The following FRMD3 variants were observed in gnomAD, a reference collection of about 807,000 sequenced individuals.
FRMD3 encodes the protein FERM domain containing 3.
FRMD3 carries 33 observed loss-of-function variants against 70.2 expected under a neutral mutation model. That is an observed-to-expected ratio of 0.47 (90% CI 0.36 to 0.63). FRMD3 has a LOEUF of 0.63. Ranked by LOEUF, FRMD3 falls within the 20% of genes least tolerant of loss-of-function variation. The probability of loss-of-function intolerance (pLI) is 0.00; values close to 1 mark genes in which losing one functional copy is unlikely to be tolerated. For missense variants in FRMD3, 632 were observed against 711.4 expected, an observed-to-expected ratio of 0.89 and a Z score of 1.27; for synonymous variants, 279 against 255.9, an observed-to-expected ratio of 1.09 and a Z score of -0.86.
intron 13 of FRMD3, among the ~76,000 whole-genome samples, chr9:83,251,173 T>A (rs1371414919): frequency 1.3e-5 from 2 of 152,202 alleles, no homozygotes; most frequent in Non-Finnish European, 2.9e-5. Context: ...GGCTGCCATC[T>A]TTGCTGTTTC....
chr9:83,585,268 T>C, the FRMD3 span, among the ~76,000 whole-genome samples: 16 of 152,316 alleles, frequency 1.1e-4, no homozygotes, highest in Admixed American at 2.0e-4. Context: ...AGGTGCTTCC[T>C]GCAGCAAAGC....
chr9:83,438,167 A>G (rs1039396381), intron 1 of FRMD3, among the ~76,000 whole-genome samples: 1 of 152,246 alleles, frequency 6.6e-6, no homozygotes, highest in African/African-American at 2.4e-5. Context: ...CAAAAAAAGA[A>G]AAGAAAATGT....
intron 1 of FRMD3, among the ~76,000 whole-genome samples, chr9:83,442,773 T>C (rs547455167): frequency 1.3e-5 from 2 of 152,130 alleles, no homozygotes; most frequent in South Asian, 4.2e-4. Flanking sequence ...ACATACATCC[T>C]GTGTGAGTTA....
intron 1 of FRMD3, among the ~76,000 whole-genome samples, chr9:83,399,108 TC>T (rs896174629): frequency 1.3e-5 from 2 of 151,994 alleles, no homozygotes; most frequent in African/African-American, 4.8e-5. Flanking sequence ...GTCAAAAGGG[TC>T]CTAAGGAAGA....
chr9:83,375,853 T>C (rs11792767), intron 2 of FRMD3, among the ~76,000 whole-genome samples: 3,375 of 152,164 alleles, frequency 0.022, 59 homozygotes, highest in Middle Eastern at 0.031. Flanking sequence ...CCTGCACATG[T>C]ACCCCTAACT....
intron 1 of FRMD3, among the ~76,000 whole-genome samples, chr9:83,478,622 A>G (rs931783039): frequency 6.6e-6 from 1 of 152,176 alleles, no homozygotes; most frequent in African/African-American, 2.4e-5. Flanking sequence ...CAGAATTACC[A>G]TAGGATCCAG....
chr9:83,321,675 T>C (rs544102905), intron 6 of FRMD3, among the ~76,000 whole-genome samples: 16 of 152,344 alleles, frequency 1.1e-4, no homozygotes, highest in African/African-American at 3.4e-4. Context: ...TAGAACATTC[T>C]GTAAATGTCT....
chr9:83,473,102 C>T (rs35455216), intron 1 of FRMD3, among the ~76,000 whole-genome samples: 61 of 152,210 alleles, frequency 4.0e-4, no homozygotes, highest in Non-Finnish European at 7.9e-4. Context: ...TCCTCAAAGA[C>T]TTAGATGTTC....
At chr9:83,476,370 C>T (rs913033271) in intron 1 of FRMD3, among the ~76,000 whole-genome samples, 1 of 120,742 alleles carries the variant, frequency 8.3e-6, no homozygotes, top group African/African-American at 3.4e-5. Context: ...GGAGACAGAG[C>T]AAGACTCTCT....
intron 13 of FRMD3, among the ~76,000 whole-genome samples, chr9:83,278,125 TAAAGA>T (rs1833853676): frequency 6.6e-6 from 1 of 152,070 alleles, no homozygotes; most frequent in Non-Finnish European, 1.5e-5. Flanking sequence ...AGCTAAAACT[TAAAGA>T]AAAGAAACAG....
intron 1 of FRMD3, among the ~76,000 whole-genome samples, chr9:83,454,678 G>A (rs183462477): frequency 1.7e-4 from 26 of 152,244 alleles, no homozygotes; most frequent in Admixed American, 7.2e-4. Context: ...ACATCATCAG[G>A]TATGTCCCCT....
At chr9:83,460,884 A>G (rs1334145628) in intron 1 of FRMD3, among the ~76,000 whole-genome samples, 1 of 151,978 alleles carries the variant, frequency 6.6e-6, no homozygotes, top group Non-Finnish European at 1.5e-5. Flanking sequence ...AGATCACACC[A>G]TCATCTTAGA....
intron 1 of FRMD3, among the ~76,000 whole-genome samples, chr9:83,506,921 T>C (rs1004186003): frequency 6.6e-6 from 1 of 152,232 alleles, no homozygotes; most frequent in Non-Finnish European, 1.5e-5. Flanking sequence ...TTTAAACTTT[T>C]TTATTAAAAT....
At chr9:83,482,818 T>G (rs1332682664) in intron 1 of FRMD3, among the ~76,000 whole-genome samples, 1 of 152,092 alleles carries the variant, frequency 6.6e-6, no homozygotes, top group Non-Finnish European at 1.5e-5. Flanking sequence ...GGAACACAGA[T>G]GGCACCAGAC....
At chr9:83,331,526 T>C (rs1488905911) in intron 6 of FRMD3, among the ~76,000 whole-genome samples, 2 of 152,214 alleles carry the variant, frequency 1.3e-5, no homozygotes, top group Non-Finnish European at 2.9e-5. Flanking sequence ...GGAATGATAC[T>C]ATACATTCAT....
At chr9:83,507,681 AATATACATACAT>A (rs1425921263) in intron 1 of FRMD3, among the ~76,000 whole-genome samples, 2 of 79,078 alleles carry the variant, frequency 2.5e-5, no homozygotes, top group African/African-American at 5.0e-5. Flanking sequence ...AACAAAAAAA[AATATACATACAT>A]ATATATATAT....
chr9:83,363,553 CTTTTTT>C (rs34789292), intron 3 of FRMD3, among the ~76,000 whole-genome samples: 2 of 113,338 alleles, frequency 1.8e-5, no homozygotes, highest in Non-Finnish European at 1.8e-5. Flanking sequence ...GAGACATAGG[CTTTTTT>C]TTTTTTTTTT....
At chr9:83,338,792 C>T (rs1823662171) in intron 5 of FRMD3, among the ~76,000 whole-genome samples, 1 of 152,158 alleles carries the variant, frequency 6.6e-6, no homozygotes, top group African/African-American at 2.4e-5. Flanking sequence ...GGAAATCAAT[C>T]AATCAATCCA....
At chr9:83,452,866 T>C (rs1339134225) in intron 1 of FRMD3, among the ~76,000 whole-genome samples, 2 of 142,584 alleles carry the variant, frequency 1.4e-5, no homozygotes, top group Non-Finnish European at 3.1e-5. Context: ...TTTTTTTTTT[T>C]TTTTTTGAGA....
Sources: allele counts gnomAD v4.1 joint callset (sites outside exome capture counted in the v4.1 genomes callset), GRCh38; gene constraint gnomAD v4.1.1; transcripts MANE v1.5; gene names NCBI Gene and HGNC (gene_info 2026-07-23, HGNC 2026-07-21).